Variants in FHIT observed in about 807,000 individuals in gnomAD.
The protein encoded by FHIT is fragile histidine triad diadenosine triphosphatase.
In FHIT, 19 loss-of-function variants were observed where a neutral mutation model predicts 17.9. That is an observed-to-expected ratio of 1.06 (90% CI 0.74 to 1.56). The LOEUF (loss-of-function observed/expected upper bound fraction) is 1.56. Among genes scored for constraint, FHIT ranks in the 40% most tolerant of loss-of-function variants. The probability of loss-of-function intolerance (pLI) is 0.00; values close to 1 mark genes in which losing one functional copy is unlikely to be tolerated. For missense variants in FHIT, 248 were observed against 189.2 expected (o/e 1.31, Z -1.82); for synonymous variants, 81 against 69.7 (o/e 1.16, Z -0.81).
intron 7 of FHIT, among the ~76,000 whole-genome samples, chr3:59,923,740 C>T (rs1485905316): frequency 3.9e-5 from 6 of 152,200 alleles, no homozygotes; most frequent in Middle Eastern, 3.4e-3. Flanking sequence ...CTGATTACTG[C>T]GATCGGGTTC....
At chr3:61,211,108 T>C (rs2039453191) in intron 1 of FHIT, among the ~76,000 whole-genome samples, 1 of 151,860 alleles carries the variant, frequency 6.6e-6, no homozygotes, top group African/African-American at 2.4e-5. Context: ...CATTTCCATC[T>C]GAGGTACCAG....
chr3:60,427,426 T>G (rs935567280), intron 5 of FHIT, among the ~76,000 whole-genome samples: 2 of 152,098 alleles, frequency 1.3e-5, no homozygotes, highest in Non-Finnish European at 2.9e-5. Flanking sequence ...GACCTTTAGC[T>G]GAGGACCCCA....
intron 5 of FHIT, among the ~76,000 whole-genome samples, chr3:60,470,622 G>A (rs2033039205): frequency 6.6e-6 from 1 of 151,908 alleles, no homozygotes; most frequent in African/African-American, 2.4e-5. Context: ...CTTTCCTCTG[G>A]CCCAGGACAG....
chr3:61,210,654 A>G (rs1243820665), intron 1 of FHIT, among the ~76,000 whole-genome samples: 5 of 152,152 alleles, frequency 3.3e-5, no homozygotes, highest in Non-Finnish European at 7.4e-5. Flanking sequence ...TCCTGCTGGA[A>G]AAGTGCAGTA....
At chr3:60,448,129 G>A (rs7642636) in intron 5 of FHIT, among the ~76,000 whole-genome samples, 6,139 of 152,140 alleles carry the variant, frequency 0.04, 402 homozygotes, top group African/African-American at 0.14. Context: ...AATTGCTCTC[G>A]GATTATAACG....
At chr3:60,704,476 A>G (rs2041323711) in intron 4 of FHIT, among the ~76,000 whole-genome samples, 1 of 152,204 alleles carries the variant, frequency 6.6e-6, no homozygotes, top group African/African-American at 2.4e-5. Context: ...TCTTTTATTC[A>G]TAGCAGATGG....
intron 8 of FHIT, among the ~76,000 whole-genome samples, chr3:59,920,462 G>A (rs1705346987): frequency 6.6e-6 from 1 of 152,156 alleles, no homozygotes; most frequent in East Asian, 1.9e-4. Context: ...ATGCAGACAA[G>A]GGCAAAGGAA....
chr3:61,089,437 T>C (rs2035409456), intron 2 of FHIT, among the ~76,000 whole-genome samples: 1 of 152,204 alleles, frequency 6.6e-6, no homozygotes, highest in Middle Eastern at 3.2e-3. Context: ...GCTTTCAATC[T>C]CTATGGATTT....
chr3:60,724,724 C>T (rs1183034992), intron 4 of FHIT, among the ~76,000 whole-genome samples: 7 of 145,288 alleles, frequency 4.8e-5, no homozygotes, highest in Non-Finnish European at 8.9e-5. Context: ...TCTTGACTCA[C>T]TGCAACCACC....
At chr3:60,793,805 G>C (rs1553729346) in intron 4 of FHIT, among the ~76,000 whole-genome samples, 1 of 152,136 alleles carries the variant, frequency 6.6e-6, no homozygotes. Context: ...GCCATCCTGG[G>C]GGTTCCTAAA....
At chr3:60,316,384 T>A (rs2106783380) in intron 5 of FHIT, among the ~76,000 whole-genome samples, 1 of 152,336 alleles carries the variant, frequency 6.6e-6, no homozygotes. Context: ...GTGTGTTTAT[T>A]GCTTGATAAA....
intron 5 of FHIT, among the ~76,000 whole-genome samples, chr3:60,015,849 GT>G (rs75741810): frequency 0.11 from 15,950 of 151,728 alleles, 1,265 homozygotes; most frequent in East Asian, 0.3. Context: ...ATCCAAAAAT[GT>G]TTTTTTTCAA....
chr3:60,127,525 G>C (rs1320780347), intron 5 of FHIT, among the ~76,000 whole-genome samples: 7 of 151,992 alleles, frequency 4.6e-5, no homozygotes, highest in Admixed American at 6.6e-5. Flanking sequence ...TATTCAACAA[G>C]TTTACATACT....
chr3:60,553,503 AT>A (rs1266621843), intron 4 of FHIT: 148 of 7,466 alleles, frequency 0.02, no homozygotes, highest in East Asian at 0.032. Context: ...ATTTAAAAAA[AT>A]ATATATATAT....
chr3:60,588,430 A>AAGAGGGGAAGGAGAAAG (rs552385964), intron 4 of FHIT, among the ~76,000 whole-genome samples: 7 of 151,998 alleles, frequency 4.6e-5, no homozygotes, highest in Non-Finnish European at 1.0e-4. Flanking sequence ...GAAGAAAATA[A>AAGAGGGGAAGGAGAAAG]AGAGGGGAAG....
chr3:59,871,571 C>G (rs1164050208), intron 8 of FHIT, among the ~76,000 whole-genome samples: 2 of 152,050 alleles, frequency 1.3e-5, no homozygotes, highest in Non-Finnish European at 2.9e-5. Flanking sequence ...TACAGGCTAG[C>G]AGGAATAACA....
intron 5 of FHIT, among the ~76,000 whole-genome samples, chr3:60,292,039 T>C (rs1708007313): frequency 6.6e-6 from 1 of 152,030 alleles, no homozygotes; most frequent in African/African-American, 2.4e-5. Context: ...CAGCAGCCCT[T>C]AGAAATGACT....
intron 5 of FHIT, among the ~76,000 whole-genome samples, chr3:60,222,214 G>GCATTCATT (rs138143844): frequency 7.2e-5 from 11 of 151,818 alleles, no homozygotes; most frequent in East Asian, 1.9e-4. Context: ...ATTTATTCAT[G>GCATTCATT]CATTCATTCA....
At chr3:60,780,468 A>C (rs911020531) in intron 4 of FHIT, among the ~76,000 whole-genome samples, 2 of 152,144 alleles carry the variant, frequency 1.3e-5, no homozygotes, top group African/African-American at 2.4e-5. Context: ...GCAAACTGGC[A>C]AAAGGCCTCA....
Sources: allele counts gnomAD v4.1 joint callset (sites outside exome capture counted in the v4.1 genomes callset), GRCh38; gene constraint gnomAD v4.1.1; transcripts MANE v1.5; gene names NCBI Gene and HGNC (gene_info 2026-07-23, HGNC 2026-07-21).